GMDS: variants seen among roughly 807,000 people sequenced by gnomAD.
The protein encoded by GMDS is GDP-mannose 4,6-dehydratase.
In GMDS, 20 loss-of-function variants were observed where a neutral mutation model predicts 49.9. The ratio of observed to expected loss-of-function variants is 0.40; its 90% CI spans 0.28 to 0.58. The LOEUF is 0.58. GMDS is among the 20% of genes least tolerant of loss of function. The probability of loss-of-function intolerance (pLI) is 0.42; values close to 1 mark genes in which losing one functional copy is unlikely to be tolerated. For missense variants in GMDS, 362 were observed against 481.4 expected, an observed-to-expected ratio of 0.75 and a Z score of 2.32; for synonymous variants, 177 against 178.6, an observed-to-expected ratio of 0.99 and a Z score of 0.07.
At chr6:1,877,893 A>C (rs1470788970) in intron 7 of GMDS, among the ~76,000 whole-genome samples, 2 of 152,200 alleles carry the variant, frequency 1.3e-5, no homozygotes, top group Non-Finnish European at 2.9e-5. Context: ...TTGCTATTTG[A>C]AGCAAACTTT....
At chr6:2,015,311 T>A (rs1469106873) in intron 4 of GMDS, among the ~76,000 whole-genome samples, 1 of 151,970 alleles carries the variant, frequency 6.6e-6, no homozygotes, top group African/African-American at 2.4e-5. Context: ...AAACACACAG[T>A]AACAAAATTC....
intron 7 of GMDS, among the ~76,000 whole-genome samples, chr6:1,813,947 C>T (rs1323555583): frequency 6.6e-6 from 1 of 152,110 alleles, no homozygotes; most frequent in Non-Finnish European, 1.5e-5. Context: ...ATTGTAAAAT[C>T]TAATTGCTTC....
At chr6:1,719,614 G>T (rs1373558681) in intron 9 of GMDS, among the ~76,000 whole-genome samples, 9 of 110,598 alleles carry the variant, frequency 8.1e-5, no homozygotes, top group Non-Finnish European at 1.6e-4. Flanking sequence ...GAGCACTGCT[G>T]ATTTGTTTAA....
At chr6:2,141,954 G>C (rs1432980690) in intron 1 of GMDS, among the ~76,000 whole-genome samples, 1 of 147,932 alleles carries the variant, frequency 6.8e-6, no homozygotes, top group Non-Finnish European at 1.5e-5. Context: ...CTCCGACCCC[G>C]CTCCTATAGC....
intron 7 of GMDS, among the ~76,000 whole-genome samples, chr6:1,862,359 G>A (rs967748871): frequency 1.3e-5 from 2 of 150,898 alleles, no homozygotes; most frequent in Non-Finnish European, 3.0e-5. Flanking sequence ...GAGGTATCAG[G>A]AAAAGACAAA....
intron 7 of GMDS, among the ~76,000 whole-genome samples, chr6:1,743,320 G>A (rs1767347647): frequency 6.6e-6 from 1 of 152,176 alleles, no homozygotes; most frequent in Non-Finnish European, 1.5e-5. Context: ...TTGGGAGGCC[G>A]AGGCGGGTGG....
At chr6:1,783,334 G>T (rs1332482981) in intron 7 of GMDS, among the ~76,000 whole-genome samples, 1 of 152,154 alleles carries the variant, frequency 6.6e-6, no homozygotes, top group Non-Finnish European at 1.5e-5. Flanking sequence ...GTTCCACGGG[G>T]TGCAGGTGCA....
chr6:1,711,062 C>T (rs184244513), intron 9 of GMDS, among the ~76,000 whole-genome samples: 11 of 152,352 alleles, frequency 7.2e-5, no homozygotes, highest in Non-Finnish European at 2.9e-5. Flanking sequence ...GACAGCTGGA[C>T]AGGCACAATT....
intron 4 of GMDS, among the ~76,000 whole-genome samples, chr6:1,988,611 G>A (rs573822510): frequency 2.9e-4 from 44 of 152,226 alleles, no homozygotes; most frequent in Middle Eastern, 6.8e-3. Context: ...CTGTAATAAT[G>A]CCATGTCCTG....
At position 1,836,365 on chromosome 6, in the gene GMDS, C is replaced by T. The variant is rs540686673; in HGVS notation, c.771+93738G>A. Among the ~76,000 whole-genome samples the T allele has an allele frequency of 7.9e-5, 12 of 152,252 alleles. No homozygotes were observed. The South Asian group carries it at 8.3e-4, about 11-fold the overall frequency. On this transcript the variant is annotated intron_variant, in intron 7 of 10. Transcript: ENST00000380815. This position sits in a 1 kb window ranked among gnomAD's most constrained non-coding sequence, Gnocchi z 4.2. ...ACAGATCGGCATATGTATGTTACCA[C>T]GTCACCATCAACTAAGCAACTGCTA... is the stretch of plus-strand genomic sequence containing the variant.
At chr6:1,997,378 C>T (rs939583937) in intron 4 of GMDS, among the ~76,000 whole-genome samples, 1 of 151,754 alleles carries the variant, frequency 6.6e-6, no homozygotes, top group Admixed American at 6.6e-5. Context: ...CGTGGTGGCA[C>T]ACGCCTGTAG....
chr6:1,741,297 G>T (rs1767259979), intron 8 of GMDS, among the ~76,000 whole-genome samples: 1 of 151,968 alleles, frequency 6.6e-6, no homozygotes. Context: ...CTATCTTATT[G>T]TTACTTTGTA....
At chr6:1,776,229 G>A (rs1344660035) in intron 7 of GMDS, among the ~76,000 whole-genome samples, 1 of 152,158 alleles carries the variant, frequency 6.6e-6, no homozygotes, top group Admixed American at 6.5e-5. Flanking sequence ...TCTTTCCATC[G>A]AGTTTGGAAA....
At chr6:1,754,315 C>T (rs1767851968) in intron 7 of GMDS, among the ~76,000 whole-genome samples, 1 of 152,154 alleles carries the variant, frequency 6.6e-6, no homozygotes, top group Admixed American at 6.5e-5. Flanking sequence ...GACACATACA[C>T]CCTCCCAAGA....
At chr6:1,672,977 C>T (rs1198510554) in intron 9 of GMDS, among the ~76,000 whole-genome samples, 1 of 149,944 alleles carries the variant, frequency 6.7e-6, no homozygotes, top group African/African-American at 2.5e-5. Context: ...GGCATTTCAG[C>T]GAGGATTGGG....
chr6:2,175,885 T>A (rs1230243079), intron 1 of GMDS: 12 of 974,736 alleles, frequency 1.2e-5, no homozygotes, highest in Non-Finnish European at 1.9e-5. Flanking sequence ...ATCAGGCTTG[T>A]GGCACTATGA....
chr6:2,047,911 T>G (rs532257036), intron 4 of GMDS, among the ~76,000 whole-genome samples: 13 of 152,362 alleles, frequency 8.5e-5, no homozygotes, highest in Admixed American at 2.0e-4. Context: ...TTAGAAAACT[T>G]GGCAAAGTTT....
intron 7 of GMDS, among the ~76,000 whole-genome samples, chr6:1,830,668 A>G (rs537539660): frequency 5.3e-5 from 8 of 152,284 alleles, no homozygotes; most frequent in African/African-American, 1.7e-4. Context: ...GCTTTTGCCT[A>G]GAATGTAAGC....
intron 9 of GMDS, among the ~76,000 whole-genome samples, chr6:1,663,908 G>C (rs892383553): frequency 6.6e-6 from 1 of 152,102 alleles, no homozygotes; most frequent in Non-Finnish European, 1.5e-5. Context: ...ATGAATGGGA[G>C]CATGTAATTT....
Sources: gnomAD v4.1 joint callset for allele counts (sites outside exome capture counted in the v4.1 genomes callset) on GRCh38, gnomAD v4.1.1 for gene constraint, Gnocchi (gnomAD v3.1) non-coding constraint, MANE v1.5 for transcripts, NCBI Gene and HGNC (gene_info 2026-07-23, HGNC 2026-07-21) for gene names.